Variants in NAV3 observed in about 807,000 individuals in gnomAD.
NAV3 encodes the protein neuron navigator 3, also known as pore membrane and/or filament interacting like protein 1.
A neutral mutation model predicts 244.7 loss-of-function variants in NAV3; 87 were observed. The observed-to-expected ratio is 0.36, with a 90% CI of 0.30 to 0.42. The LOEUF is 0.42. Ranked by LOEUF, NAV3 falls within the 20% of genes least tolerant of loss-of-function variation. The probability of loss-of-function intolerance (pLI) is 1.00; values close to 1 mark genes in which losing one functional copy is unlikely to be tolerated. For missense variants in NAV3, 2,663 were observed against 2,893.3 expected (o/e 0.92, Z 1.83); for synonymous variants, 1,126 against 1,042.2 (o/e 1.08, Z -1.55).
chr12:77,836,914 G>A (rs1471521629), intron 1 of NAV3, among the ~76,000 whole-genome samples: 1 of 152,066 alleles, frequency 6.6e-6, no homozygotes, highest in African/African-American at 2.4e-5. Context: ...GCTAGTTAAG[G>A]GCAACCATGG....
At chr12:78,043,855 A>G (rs113218499) in intron 9 of NAV3, among the ~76,000 whole-genome samples, 14 of 152,312 alleles carry the variant, frequency 9.2e-5, no homozygotes, top group African/African-American at 3.4e-4. Flanking sequence ...GATAGATTGC[A>G]AAAATTGTCT....
intron 1 of NAV3, among the ~76,000 whole-genome samples, chr12:77,863,907 A>G (rs2136363246): frequency 6.6e-6 from 1 of 152,052 alleles, no homozygotes; most frequent in South Asian, 2.1e-4. Context: ...TCAGAAAATG[A>G]AAGTTATTTG....
chr12:77,974,870 A>G (rs1229888649), intron 5 of NAV3, among the ~76,000 whole-genome samples: 1 of 152,266 alleles, frequency 6.6e-6, no homozygotes, highest in South Asian at 2.1e-4. Flanking sequence ...TATAATAGAC[A>G]CTCAAACCAG....
intron 5 of NAV3, among the ~76,000 whole-genome samples, chr12:77,983,880 C>T (rs1347657396): frequency 6.6e-6 from 1 of 152,058 alleles, no homozygotes; most frequent in Non-Finnish European, 1.5e-5. Flanking sequence ...CAAATTATTC[C>T]TGGAATCTAG....
In NAV3 at chr12:77,663,390, T is replaced by A. The variant is rs532028625; in HGVS notation, c.72+91124T>A. Among the ~76,000 whole-genome samples, 6 of 152,172 alleles carry A rather than the reference T, an allele frequency of 3.9e-5. 1 individual carries two copies. The South Asian group carries it at 1.0e-3, about 26-fold the overall frequency. On this transcript the variant is annotated intron_variant, in intron 2 of 8. Coordinates refer to the NAV3 transcript ENST00000550042. The stretch of plus-strand genomic sequence containing the variant: ...GACACTGAGTGCCTCAGTTGGAAAC[T>A]AAGGACACAAAGAAAAAAATATTCA...
At chr12:77,904,471 AC>A in intron 1 of NAV3, among the ~76,000 whole-genome samples, 1 of 152,292 alleles carries the variant, frequency 6.6e-6, no homozygotes, top group African/African-American at 2.4e-5. Context: ...AGGAAGGGGA[AC>A]ATCACACACT....
chr12:78,113,270 G>A (rs1159545819), intron 12 of NAV3, among the ~76,000 whole-genome samples: 1 of 152,182 alleles, frequency 6.6e-6, no homozygotes, highest in Non-Finnish European at 1.5e-5. Context: ...GAGGATGGTG[G>A]CCTTCATCTC....
intron 2 of NAV3, among the ~76,000 whole-genome samples, chr12:77,647,080 A>ACACACG (rs1872634587): frequency 6.6e-6 from 1 of 151,908 alleles, no homozygotes; most frequent in Admixed American, 6.6e-5. Context: ...ACACACACAC[A>ACACACG]CACACACGTA....
Position 77,646,129 on chromosome 12 carries a change from C to T in NAV3, c.72+73863C>T, listed in dbSNP as rs1207529842. Among the ~76,000 whole-genome samples the T allele has an allele frequency of 2.0e-5, 3 of 152,094 alleles. No individual in the cohort carries two copies. The East Asian group carries it at 5.8e-4, about 29-fold the overall frequency. ...TTGCTGGATAGTCTCTAGTCACTTA[C>T]AGCATCTGAATGGGCCAGAGGGAGC... On this transcript the variant is annotated intron_variant, in intron 2 of 8. Coordinates refer to the NAV3 transcript ENST00000550042.
chr12:77,726,303 A>G (rs1227118752), intron 2 of NAV3, among the ~76,000 whole-genome samples: 3 of 151,936 alleles, frequency 2.0e-5, no homozygotes, highest in African/African-American at 7.2e-5. Context: ...AGAACACTAC[A>G]AGGAAAGAAT....
rs1160903636 is a variant in NAV3 at position 78,006,722 on chromosome 12, C to T, written c.1184C>T (p.Thr395Ile). Residue 395 changes from threonine to isoleucine, a missense_variant, in exon 8 of 40, where the codon ACT becomes ATT. This residue lies in a region of NAV3 where 1,521 missense variants were observed against 1,497.0 expected (regional missense o/e 1.02). Coordinates refer to ENST00000397909, the MANE Select transcript of NAV3 (RefSeq NM_001024383.2). ...LEKFKLVNAR[T>I]ALRPPQPPSS... is the part of the protein sequence containing the mutation. ...AAATTCAAGCTAGTCAATGCCCGGA[C>T]TGCTTTACGCCCCCCGCAGCCTCCC... The T allele has an allele frequency of 2.5e-6, 4 of 1,613,908 alleles. No individual in the cohort carries two copies. The highest frequency in any genetic ancestry group is 3.4e-6 in the Non-Finnish European group (4 of 1,180,012).
intron 35 of NAV3, 63 bp downstream of exon 35, chr12:78,197,464 T>C (rs1274001794): frequency 7.9e-7 from 1 of 1,266,102 alleles, no homozygotes; most frequent in Non-Finnish European, 1.1e-6. Context: ...TTTGCCTTCT[T>C]GTACCTGTAT....
intron 12 of NAV3, among the ~76,000 whole-genome samples, chr12:78,100,705 T>C (rs1270982672): frequency 4.6e-5 from 7 of 152,088 alleles, no homozygotes; most frequent in Non-Finnish European, 1.0e-4. Context: ...GCACTCTATA[T>C]AAAATCCTTT....
intron 1 of NAV3, among the ~76,000 whole-genome samples, chr12:77,834,798 C>G (rs765114317): frequency 1.3e-5 from 2 of 151,806 alleles, no homozygotes; most frequent in African/African-American, 2.4e-5. Flanking sequence ...TGTTTTCAAA[C>G]AAATGTAAAG....
intron 2 of NAV3, among the ~76,000 whole-genome samples, chr12:77,714,212 T>TA (rs983025509): frequency 4.6e-5 from 7 of 152,068 alleles, no homozygotes; most frequent in African/African-American, 1.7e-4. Flanking sequence ...CTCAGTAACT[T>TA]AGAAATTTGG....
rs1240641124 is a variant in NAV3 at position 77,603,715 on chromosome 12, C to T, written c.72+31449C>T. Among the ~76,000 whole-genome samples, 4 of 151,994 alleles carry T rather than the reference C, an allele frequency of 2.6e-5. No homozygotes were observed. In the East Asian group the frequency reaches 7.7e-4, roughly 29 times the overall value. ...GATGAAGGGAGAGGCAGGATTGAAC[C>T]TTGAATTGTGGGTGGATCGATAATG... On this transcript the variant is annotated intron_variant, in intron 2 of 8. Transcript: ENST00000550042.
At chr12:77,913,948 T>C (rs1886874343) in intron 1 of NAV3, among the ~76,000 whole-genome samples, 1 of 149,954 alleles carries the variant, frequency 6.7e-6, no homozygotes, top group Non-Finnish European at 1.5e-5. Flanking sequence ...GTGTAAAATA[T>C]AGTTTCATTG....
In NAV3 at chr12:78,197,341, A is replaced by C; in HGVS notation, c.6386A>C (p.His2129Pro). The C allele has an allele frequency of 6.2e-7, 1 of 1,609,328 alleles. No individual in the cohort carries two copies. The highest frequency in any genetic ancestry group is 8.5e-7 in the Non-Finnish European group (1 of 1,177,134). The change falls in exon 35 of 40, where the codon CAT becomes CCT. Residue 2129 changes from histidine to proline, a missense_variant. His to Pro is a moderately conservative substitution (Grantham distance 77). Around this residue, in one of 6 missense-constraint regions of NAV3, gnomAD observed 543 missense variants for 672.4 expected, o/e 0.81. Coordinates refer to ENST00000397909, the MANE Select transcript of NAV3 (RefSeq NM_001024383.2). ...LPVVIILDNLHHVGSLSDIFN... is the reference protein window; with the variant it reads ...LPVVIILDNLPHVGSLSDIFN... Reference sequence around the variant, plus strand: ...GTTGTAATAATTCTTGATAATCTTCATCATGTGGGCTCTCTGAGTGATATC... The same window carrying C: ...GTTGTAATAATTCTTGATAATCTTCCTCATGTGGGCTCTCTGAGTGATATC...
At position 78,192,082 on chromosome 12, in the gene NAV3, A is replaced by T. The variant is rs12829673; in HGVS notation, c.6291+1863A>T. On this transcript the variant is annotated intron_variant, in intron 34 of 39. Coordinates refer to ENST00000397909, the MANE Select transcript of NAV3 (RefSeq NM_001024383.2). ...TTTAAAACATAGCTTTCCCTAAAAA[A>T]TATCTATCTGTCTATCTATCCATCT... 1.7e-3 allele frequency among the ~76,000 whole-genome samples: 266 copies of T among 152,282 alleles called. 1 individual carries two copies. Among genetic ancestry groups the T allele is most frequent in the African/African-American group, 5.3e-3 (220 of 41,586 alleles).
Sources: allele counts gnomAD v4.1 joint callset (sites outside exome capture counted in the v4.1 genomes callset), GRCh38; gene constraint gnomAD v4.1.1; regional missense constraint gnomAD v4.1.1; transcripts MANE v1.5; gene names NCBI Gene and HGNC (gene_info 2026-07-23, HGNC 2026-07-21).